ADGRG2: variants seen among roughly 807,000 people sequenced by gnomAD.
The protein encoded by ADGRG2 is adhesion G protein-coupled receptor G2.
In ADGRG2, 26 loss-of-function variants were observed where a neutral mutation model predicts 74.1. The observed-to-expected ratio is 0.35, with a 90% CI of 0.26 to 0.49. The LOEUF is 0.49. ADGRG2 is among the 20% of genes least tolerant of loss of function. The pLI is 0.99. For synonymous variants in ADGRG2, 296 were observed against 295.2 expected (o/e 1.00, Z -0.03); for missense variants, 619 against 763.1 (o/e 0.81, Z 2.22).
At chrX:19,049,637 T>C (rs1479378396) in intron 3 of ADGRG2, among the ~76,000 whole-genome samples, 1 of 110,040 alleles carries the variant, frequency 9.1e-6, no homozygotes, top group Non-Finnish European at 1.9e-5. Flanking sequence ...GATTTTTTTT[T>C]TTTTAGCTCA....
chrX:19,020,602 A>T (rs2060568562), intron 14 of ADGRG2, among the ~76,000 whole-genome samples: 1 of 111,408 alleles, frequency 9.0e-6, no homozygotes, highest in African/African-American at 3.3e-5. Flanking sequence ...CATGTATCTC[A>T]GAACTTAAAG....
At chrX:19,111,200 G>A (rs1361464235) in intron 1 of ADGRG2, among the ~76,000 whole-genome samples, 2 of 111,295 alleles carry the variant, frequency 1.8e-5, no homozygotes, top group Non-Finnish European at 3.8e-5. Flanking sequence ...GCATGAGGGT[G>A]ACAGGGAATC....
chrX:19,059,116 G>A (rs900491326), intron 3 of ADGRG2, among the ~76,000 whole-genome samples: 7 of 111,573 alleles, frequency 6.3e-5, no homozygotes, highest in Admixed American at 9.6e-5. Flanking sequence ...CCAGGAGTTC[G>A]AGGCTGCAGT....
intron 24 of ADGRG2, among the ~76,000 whole-genome samples, chrX:19,001,989 A>G (rs2060140259): frequency 1.8e-5 from 2 of 110,974 alleles, no homozygotes; most frequent in Non-Finnish European, 1.9e-5. Context: ...ACACTGTTAT[A>G]TATTACTTGT....
At chrX:19,019,549 T>G (rs758482218) in intron 15 of ADGRG2, 50 bp downstream of exon 15, 5 of 107,354 alleles carry the variant, frequency 4.7e-5, no homozygotes, top group African/African-American at 4.5e-5. Flanking sequence ...AGCATGGTGA[T>G]TTTTTTTTTT....
At chrX:19,089,569 C>T (rs2061982511) in intron 1 of ADGRG2, among the ~76,000 whole-genome samples, 1 of 111,885 alleles carries the variant, frequency 8.9e-6, no homozygotes, top group Admixed American at 9.5e-5. Flanking sequence ...GAATGCTCCA[C>T]CCCTTGAATG....
chrX:19,014,693 C>T (rs1183643226), intron 15 of ADGRG2, among the ~76,000 whole-genome samples: 1 of 111,209 alleles, frequency 9.0e-6, no homozygotes, highest in Non-Finnish European at 1.9e-5. Flanking sequence ...GGTGCAGTGG[C>T]GTGATTTTGG....
chrX:19,077,075 C>T (rs2061760182), intron 2 of ADGRG2, among the ~76,000 whole-genome samples: 1 of 110,920 alleles, frequency 9.0e-6, no homozygotes, highest in African/African-American at 3.3e-5. Context: ...AGAAATGGGA[C>T]ATATAACTTC....
chrX:19,098,387 A>T (rs2062133278), intron 1 of ADGRG2, among the ~76,000 whole-genome samples: 1 of 111,943 alleles, frequency 8.9e-6, no homozygotes, highest in African/African-American at 3.2e-5. Flanking sequence ...GTGGGGTAAA[A>T]TTGCTGTATT....
chrX:19,021,465 T>C (rs975179215), intron 13 of ADGRG2: 2 of 360,298 alleles, frequency 5.6e-6, no homozygotes, highest in Admixed American at 7.2e-5. Flanking sequence ...GCTGGCTCAT[T>C]TTGCCTGTCT....
At chrX:19,010,107 C>A (rs2060322950) in intron 17 of ADGRG2, among the ~76,000 whole-genome samples, 1 of 107,744 alleles carries the variant, frequency 9.3e-6, no homozygotes, top group African/African-American at 3.4e-5. Context: ...TCGCGCCCAG[C>A]CTTGTTTTTG....
intron 3 of ADGRG2, among the ~76,000 whole-genome samples, chrX:19,065,077 C>T (rs903527029): frequency 1.9e-5 from 2 of 108,102 alleles, no homozygotes; most frequent in Non-Finnish European, 3.8e-5. Flanking sequence ...CGAGACCACC[C>T]TGGGCAATAT....
chrX:19,078,752 C>A (rs2061796175), intron 2 of ADGRG2, among the ~76,000 whole-genome samples: 1 of 106,685 alleles, frequency 9.4e-6, no homozygotes, highest in Non-Finnish European at 1.9e-5. Flanking sequence ...GCAAAATAAA[C>A]CCAAAGAAGA....
intron 1 of ADGRG2, among the ~76,000 whole-genome samples, chrX:19,101,404 A>G (rs2062186616): frequency 9.0e-6 from 1 of 111,647 alleles, no homozygotes; most frequent in African/African-American, 3.3e-5. Flanking sequence ...ATATAAAGAA[A>G]TGTATTAGAA....
At chrX:19,095,176 G>T (rs1337873563) in intron 1 of ADGRG2, among the ~76,000 whole-genome samples, 1 of 111,951 alleles carries the variant, frequency 8.9e-6, no homozygotes, top group Non-Finnish European at 1.9e-5. Context: ...AGCATTTTTT[G>T]AGTGATTTTC....
At chrX:19,101,623 C>T (rs932120015) in intron 1 of ADGRG2, among the ~76,000 whole-genome samples, 2 of 109,896 alleles carry the variant, frequency 1.8e-5, no homozygotes, top group African/African-American at 6.6e-5. Flanking sequence ...ATCATTTGAG[C>T]CTAGGAGGCC....
Position 18,990,297 on chromosome X carries a change from T to C in ADGRG2, c.*567A>G, listed in dbSNP as rs910604060. ...TTTCTGTATTTCACATCCTATATCA[T>C]CTCCAAAAGGAGCTTTAGGATTTGC... On this transcript the variant is annotated 3_prime_UTR_variant, in exon 29 of 29. Transcript: ENST00000379869. 1 of 112,925 alleles carries C rather than the reference T, an allele frequency of 8.9e-6. No homozygotes were observed. Among genetic ancestry groups the C allele is most frequent in the African/African-American group, 3.2e-5 (1 of 30,995 alleles). 9.3% of individuals were successfully genotyped at this position (112,925 alleles called of 1,213,427 possible). A position where few individuals can be genotyped will look rare whatever the true frequency, so the allele number is the denominator to read the frequency against.
chrX:19,029,689 A>G lies in ADGRG2; in HGVS notation c.358+1295T>C, dbSNP rs917353353. Among the ~76,000 whole-genome samples, 4 of 53,320 alleles carry G rather than the reference A, an allele frequency of 7.5e-5. No individual in the cohort carries two copies. The South Asian group carries it at 2.4e-3, about 33-fold the overall frequency. The allele number at this position is 53,320 out of a possible 115,157, so 46.3% of individuals were successfully genotyped here. The stretch of plus-strand genomic sequence containing the variant: ...CTGGCATCTGTTACTCAAGATGACC[A>G]GTTTTTTTTTTTTTAACTACATGTT... On this transcript the variant is annotated intron_variant, in intron 9 of 28. Coordinates refer to ENST00000379869, the MANE Select transcript of ADGRG2 (RefSeq NM_001079858.3).
At chrX:18,993,471 C>T (rs1200094568) in intron 28 of ADGRG2, among the ~76,000 whole-genome samples, 2 of 106,947 alleles carry the variant, frequency 1.9e-5, no homozygotes, top group Admixed American at 1.0e-4. Context: ...TCACTTGAGC[C>T]CAGGAGTTTG....
Sources: gnomAD v4.1 joint callset for allele counts (sites outside exome capture counted in the v4.1 genomes callset) on GRCh38, gnomAD v4.1.1 for gene constraint, MANE v1.5 for transcripts, NCBI Gene and HGNC (gene_info 2026-07-23, HGNC 2026-07-21) for gene names.